Variants in ST8SIA5 observed in about 807,000 individuals in gnomAD.
The protein encoded by ST8SIA5 is alpha-2,8-sialyltransferase 8E.
A neutral mutation model predicts 40.2 loss-of-function variants in ST8SIA5; 24 were observed. The observed-to-expected ratio is 0.60, with a 90% CI of 0.43 to 0.84. ST8SIA5 has a LOEUF of 0.84. ST8SIA5 is among the 40% of genes least tolerant of loss of function. The pLI, the probability that ST8SIA5 is intolerant of heterozygous loss-of-function variation, is 0.00. For synonymous variants in ST8SIA5, 198 were observed against 201.8 expected (o/e 0.98, Z 0.16); for missense variants, 465 against 498.5 (o/e 0.93, Z 0.64).
intron 5 of ST8SIA5, 115 bp downstream of exon 5, chr18:46,686,059 C>T: frequency 1.0e-6 from 1 of 957,398 alleles, no homozygotes; most frequent in Non-Finnish European, 1.7e-6. Context: ...TGAGGGTCTG[C>T]AGGGGTGGGA....
At position 46,704,577 on chromosome 18, in the gene ST8SIA5, C is replaced by T; in HGVS notation, c.219G>A (p.Leu73=). ...CCACAAATGGCCACACTCACATGGA[C>T]AGCACCTTCACTTCCAATATTTCGT... ...LRHEILEVKV[L]SMVKQSELFD... Residue 73 remains leucine (L), a synonymous_variant, in exon 2 of 7, where the codon CTG becomes CTA. Coordinates refer to ENST00000315087, the MANE Select transcript of ST8SIA5 (RefSeq NM_013305.6). 6.2e-7 allele frequency: 1 copy of T among 1,613,828 alleles called. No homozygotes were observed. Among genetic ancestry groups the T allele is most frequent in the Non-Finnish European group, 8.5e-7 (1 of 1,179,966 alleles).
Position 46,677,328 on chromosome 18 carries a change from T to TTGGGTGCCGTTCCCTCCAC in ST8SIA5, c.*2713_*2714insGTGGAGGGAACGGCACCCA, listed in dbSNP as rs1274876953. The TTGGGTGCCGTTCCCTCCAC allele has an allele frequency of 1.3e-5, 2 of 151,720 alleles. No homozygotes were observed. The highest frequency in any genetic ancestry group is 2.9e-5 in the Non-Finnish European group (2 of 68,102). 9.4% of individuals were successfully genotyped at this position (151,720 alleles called of 1,614,324 possible). Reference sequence around the variant, plus strand: ...CCTCCATTGGGTGCCGTTCCCTCCATTGGGTGCCTGACCAAGGGCAAGTCC... The same window carrying TTGGGTGCCGTTCCCTCCAC: ...CCTCCATTGGGTGCCGTTCCCTCCATTGGGTGCCGTTCCCTCCACTGGGTGCCTGACCAAGGGCAAGTCC... On this transcript the variant is annotated 3_prime_UTR_variant, in exon 7 of 7. Transcript: ENST00000315087.
intron 1 of ST8SIA5, among the ~76,000 whole-genome samples, chr18:46,741,876 TG>T (rs1314357892): frequency 6.6e-6 from 1 of 152,050 alleles, no homozygotes; most frequent in Non-Finnish European, 1.5e-5. Context: ...CTAAGGAGGA[TG>T]GATCACCTGA....
intron 1 of ST8SIA5, among the ~76,000 whole-genome samples, chr18:46,730,944 G>A (rs186655661): frequency 1.0e-3 from 158 of 152,312 alleles, no homozygotes; most frequent in African/African-American, 3.1e-3. Context: ...TTGTGCTACT[G>A]CACTACAGCC....
At chr18:46,707,069 C>T (rs16939979) in intron 1 of ST8SIA5, among the ~76,000 whole-genome samples, 2 of 152,158 alleles carry the variant, frequency 1.3e-5, no homozygotes, top group African/African-American at 4.8e-5. Flanking sequence ...GGCCACAAAA[C>T]GAGCCCATGA....
At chr18:46,688,561 T>G (rs2144473696) in intron 4 of ST8SIA5, among the ~76,000 whole-genome samples, 1 of 152,352 alleles carries the variant, frequency 6.6e-6, no homozygotes, top group South Asian at 2.1e-4. Context: ...ACTCAAATCA[T>G]AGACAGTTGG....
intron 1 of ST8SIA5, chr18:46,731,920 G>A (rs1382135479): frequency 6.6e-6 from 1 of 152,102 alleles, no homozygotes; most frequent in Non-Finnish European, 1.5e-5. Flanking sequence ...CTTCTACCAG[G>A]GAGCAAATTC....
chr18:46,715,694 C>G (rs904072067), intron 1 of ST8SIA5, among the ~76,000 whole-genome samples: 2 of 152,070 alleles, frequency 1.3e-5, no homozygotes, highest in African/African-American at 2.4e-5. Flanking sequence ...ATCTTCCGAC[C>G]TCAGCCTCCT....
chr18:46,705,575 C>T (rs2039661870), intron 1 of ST8SIA5, among the ~76,000 whole-genome samples: 1 of 152,262 alleles, frequency 6.6e-6, no homozygotes, highest in South Asian at 2.1e-4. Flanking sequence ...CTCAAGGCTG[C>T]TCTTTCTGCC....
At position 46,669,604 on chromosome 18, in the gene ST8SIA5, C is replaced by T. The variant is rs1265268700; in HGVS notation, c.*10438G>A. 1 of 152,166 alleles carries T rather than the reference C, an allele frequency of 6.6e-6. No individual in the cohort carries two copies. The highest frequency in any genetic ancestry group is 1.5e-5 in the Non-Finnish European group (1 of 68,122). 9.4% of individuals were successfully genotyped at this position (152,166 alleles called of 1,614,324 possible). A position where few individuals can be genotyped will look rare whatever the true frequency, so the allele number is the denominator to read the frequency against. ...CCTGCCCCACACAATAAGGACAACA[C>T]AAGCAGAATCAGAGGTGCAGAAAGA... On this transcript the variant is annotated 3_prime_UTR_variant, in exon 7 of 7. Transcript: ENST00000315087.
At chr18:46,744,815 G>A (rs1480480799) in intron 1 of ST8SIA5, among the ~76,000 whole-genome samples, 1 of 152,196 alleles carries the variant, frequency 6.6e-6, no homozygotes, top group Non-Finnish European at 1.5e-5. Flanking sequence ...ATAGTTGGAA[G>A]TAAAGCACTC....
chr18:46,678,940 TG>T lies in ST8SIA5; in HGVS notation c.*1101del, dbSNP rs1298874854. 1 of 152,256 alleles carries T rather than the reference TG, an allele frequency of 6.6e-6. No individual in the cohort carries two copies. Among genetic ancestry groups the T allele is most frequent in the Non-Finnish European group, 1.5e-5 (1 of 68,064 alleles). The allele number at this position is 152,256 out of a possible 1,614,324, so 9.4% of individuals were successfully genotyped here. ...AGCTGACTGCCCCAAGCCCAGGCCC[TG>T]GGGTCTGCTGTGAGAAGTCCCGCCT... On this transcript the variant is annotated 3_prime_UTR_variant, in exon 7 of 7. Coordinates refer to ENST00000315087, the MANE Select transcript of ST8SIA5 (RefSeq NM_013305.6).
At chr18:46,688,600 A>G (rs1189808561) in intron 4 of ST8SIA5, among the ~76,000 whole-genome samples, 175 bp downstream of exon 4, 1 of 152,216 alleles carries the variant, frequency 6.6e-6, no homozygotes, top group Non-Finnish European at 1.5e-5. Flanking sequence ...AGAACCCCCA[A>G]AGAAATCCAG....
intron 1 of ST8SIA5, among the ~76,000 whole-genome samples, chr18:46,752,217 T>C (rs188070559): frequency 2.6e-5 from 4 of 152,292 alleles, no homozygotes; most frequent in African/African-American, 7.2e-5. Context: ...AATGCCTCCA[T>C]GTACCTTGAA....
intron 1 of ST8SIA5, among the ~76,000 whole-genome samples, chr18:46,739,977 G>A (rs919050360): frequency 1.3e-5 from 2 of 152,106 alleles, no homozygotes; most frequent in African/African-American, 4.8e-5. Context: ...GAACTGTATT[G>A]CAGCTCAATT....
At position 46,730,116 on chromosome 18, in the gene ST8SIA5, G is replaced by A. The variant is rs1012814329; in HGVS notation, c.132-25452C>T. The A allele has an allele frequency of 4.1e-6, 4 of 967,270 alleles. No individual in the cohort carries two copies. In the African/African-American group the frequency reaches 7.0e-5, roughly 17 times the overall value. 59.9% of individuals were successfully genotyped at this position (967,270 alleles called of 1,614,324 possible). On this transcript the variant is annotated intron_variant, in intron 1 of 6. Coordinates refer to ENST00000315087, the MANE Select transcript of ST8SIA5 (RefSeq NM_013305.6). ...CCTCTCCATCAGTCACAAACCTGCA[G>A]CTGCCATGTTCCTTTAAAGGTGTTA...
intron 2 of ST8SIA5, among the ~76,000 whole-genome samples, chr18:46,697,124 TAAA>T (rs35310725): frequency 1.1e-4 from 14 of 126,798 alleles, no homozygotes; most frequent in African/African-American, 2.6e-4. Flanking sequence ...GTTCCTCTGT[TAAA>T]AAAAAAAAAA....
At chr18:46,743,917 C>T (rs1408098962) in intron 1 of ST8SIA5, among the ~76,000 whole-genome samples, 3 of 152,206 alleles carry the variant, frequency 2.0e-5, no homozygotes, top group African/African-American at 4.8e-5. Flanking sequence ...ATTCAACATT[C>T]TTAAAGAAAA....
chr18:46,721,368 C>A (rs1434026967), intron 1 of ST8SIA5: 1 of 1,535,994 alleles, frequency 6.5e-7, no homozygotes, highest in African/African-American at 1.4e-5. Context: ...GTACCTGGAG[C>A]TGGAGTCACT....
Sources: gnomAD v4.1 joint callset for allele counts (sites outside exome capture counted in the v4.1 genomes callset) on GRCh38, gnomAD v4.1.1 for gene constraint, MANE v1.5 for transcripts, NCBI Gene and HGNC (gene_info 2026-07-23, HGNC 2026-07-21) for gene names.